Variants in ALKBH1 observed in about 807,000 individuals in gnomAD.
ALKBH1 encodes nucleic acid dioxygenase ALKBH1.
Under a neutral mutation model 36.6 loss-of-function variants are expected in ALKBH1, and 31 were observed. That is an observed-to-expected ratio of 0.85 (90% CI 0.64 to 1.14). The LOEUF is 1.14. Among genes scored for constraint, ALKBH1 ranks in the 50% most tolerant of loss-of-function variants. ALKBH1 has a pLI of 0.00. For synonymous variants in ALKBH1, 183 were observed against 186.6 expected, an observed-to-expected ratio of 0.98 and a Z score of 0.16; for missense variants, 490 against 497.3, an observed-to-expected ratio of 0.99 and a Z score of 0.14.
Position 77,706,332 on chromosome 14 carries a change from A to T in ALKBH1, c.183+1490T>A, listed in dbSNP as rs12886631. Among the ~76,000 whole-genome samples the T allele has an allele frequency of 5.3e-4, 81 of 151,938 alleles. 2 individuals are homozygous for T. The South Asian group carries it at 0.016, about 31-fold the overall frequency. On this transcript the variant is annotated intron_variant, in intron 1 of 5. Transcript: ENST00000216489. Reference sequence around the variant, plus strand: ...TTAAGCATTTTGTCATGATTTCTTTAATAGGCCATACTTAATACTGCACTA... The same window carrying T: ...TTAAGCATTTTGTCATGATTTCTTTTATAGGCCATACTTAATACTGCACTA...
Position 77,675,725 on chromosome 14 carries a change from A to AGGC in ALKBH1, c.668_670dup (p.Arg223dup). 1 of 1,614,196 alleles carries AGGC rather than the reference A, an allele frequency of 6.2e-7. No homozygotes were observed. Among genetic ancestry groups the AGGC allele is most frequent in the Non-Finnish European group, 8.5e-7 (1 of 1,180,036 alleles). Reference sequence around the variant, plus strand: ...TACGTGGATTCCCAGTGTGGAGTCCAGGCGGTAGTAATTCAGGATCCCTGC... The same window carrying AGGC: ...TACGTGGATTCCCAGTGTGGAGTCCAGGCGGCGGTAGTAATTCAGGATCCCTGC... On this transcript the variant is annotated inframe_insertion, in exon 5 of 6. Transcript: ENST00000216489.
intron 3 of ALKBH1, among the ~76,000 whole-genome samples, chr14:77,694,253 T>C (rs529207396): frequency 3.2e-4 from 49 of 152,306 alleles, no homozygotes; most frequent in African/African-American, 1.1e-3. Context: ...CATTAAGTAT[T>C]TGTGGAATGA....
rs531959453 is a variant in ALKBH1, at chr14:77,684,561, A to G, written c.456-4591T>C. On this transcript the variant is annotated intron_variant, in intron 3 of 5. Transcript: ENST00000216489. ...TTTTTAGTAGAGATGAGGTTTCACC[A>G]TGTTGGCCAGGCTGGTTTCGAATTC... is the stretch of plus-strand genomic sequence containing the variant. 3.9e-5 allele frequency among the ~76,000 whole-genome samples: 6 copies of G among 152,094 alleles called. No individual in the cohort carries two copies. The East Asian group carries it at 1.2e-3, about 29-fold the overall frequency.
Position 77,674,081 on chromosome 14 carries a change from G to A in ALKBH1, c.901C>T (p.Leu301=). The A allele has an allele frequency of 6.2e-7, 1 of 1,614,164 alleles. No homozygotes were observed. ...RVLPNPEGEG[L]PHCLEAPLPA... ...AGAGGTGCCTCTAGGCAGTGAGGCA[G>A]GCCTTCCCCTTCTGGATTTGGAAGG... Residue 301 remains leucine (L), a synonymous_variant, in exon 6 of 6, where the codon CTG becomes TTG. Transcript: ENST00000216489.
intron 3 of ALKBH1, chr14:77,683,739 T>A (rs1052094695): frequency 2.0e-5 from 4 of 201,290 alleles, no homozygotes; most frequent in Non-Finnish European, 3.0e-5. Context: ...GCCTGGCTAA[T>A]TTTTGTATTT....
At chr14:77,682,871 A>G (rs1265190272) in intron 3 of ALKBH1, among the ~76,000 whole-genome samples, 1 of 151,938 alleles carries the variant, frequency 6.6e-6, no homozygotes, top group Non-Finnish European at 1.5e-5. Flanking sequence ...TAATTTTTGT[A>G]TTTTTTGTAG....
rs181589590 is a variant in ALKBH1 at position 77,693,257 on chromosome 14, T to G, written c.455+1481A>C. ...TCATAGAGATGGGGTCTTGCTATGT[T>G]GCCCAGGCTGGTAACTCCAGGCCTC... On this transcript the variant is annotated intron_variant, in intron 3 of 5. Coordinates refer to ENST00000216489, the MANE Select transcript of ALKBH1 (RefSeq NM_006020.3). 2.7e-5 allele frequency among the ~76,000 whole-genome samples: 4 copies of G among 147,980 alleles called. No homozygotes were observed. In the East Asian group the frequency reaches 8.2e-4, roughly 31 times the overall value.
At chr14:77,680,677 C>CTT (rs1555383644) in intron 3 of ALKBH1, among the ~76,000 whole-genome samples, 10 of 124,334 alleles carry the variant, frequency 8.0e-5, no homozygotes, top group African/African-American at 3.2e-4. Context: ...ATTAACTACT[C>CTT]TTTTTTTTTT....
intron 3 of ALKBH1, among the ~76,000 whole-genome samples, chr14:77,694,427 C>T (rs1009068111): frequency 6.6e-5 from 10 of 152,084 alleles, no homozygotes; most frequent in African/African-American, 2.4e-4. Flanking sequence ...CAAAGGAACT[C>T]ACTTTAAGTA....
At chr14:77,680,457 T>C (rs1028768441) in intron 3 of ALKBH1, among the ~76,000 whole-genome samples, 6 of 152,136 alleles carry the variant, frequency 3.9e-5, no homozygotes, top group Non-Finnish European at 7.4e-5. Context: ...TAGCAAAATA[T>C]AGTGTATAGT....
chr14:77,707,932 T>C lies in ALKBH1; in HGVS notation c.73A>G (p.Lys25Glu). 6.2e-7 allele frequency: 1 copy of C among 1,613,232 alleles called. No homozygotes were observed. The highest frequency in any genetic ancestry group is 8.5e-7 in the Non-Finnish European group (1 of 1,179,958). Residue 25 changes from lysine (K) to glutamate (E), a missense_variant, in exon 1 of 6, where the codon AAA (lysine) becomes GAA (glutamate). Physicochemically the swap from Lys to Glu is moderately conservative, Grantham distance 56. Transcript: ENST00000216489. The part of the protein sequence containing the change: ...ATEPGEDAFR[K>E]LFRFYRQSRP... ...CTCTGACGGTAGAAGCGGAAAAGTT[T>C]CCGAAAGGCGTCCTCCCCGGGCTCA... is the stretch of plus-strand genomic sequence containing the variant.
chr14:77,677,035 C>T (rs2080210039), intron 4 of ALKBH1, among the ~76,000 whole-genome samples: 1 of 151,726 alleles, frequency 6.6e-6, no homozygotes, highest in Non-Finnish European at 1.5e-5. Context: ...ATATCAAAGG[C>T]CATAATACTC....
rs767654429 is a variant in ALKBH1 at position 77,707,839 on chromosome 14, C to T, written c.166G>A (p.Gly56Ser). Reference protein sequence around the residue: ...FSAAHAARGKGPGAQKVIKSQ... With the variant: ...FSAAHAARGKSPGAQKVIKSQ... ...CTCTGTACCTTTTGGGCACCAGGAC[C>T]CTTGCCACGGGCTGCGTGGGCCGCC... The change falls in exon 1 of 6, where the codon GGT becomes AGT. Residue 56 changes from glycine to serine, a missense_variant. Coordinates refer to ENST00000216489, the MANE Select transcript of ALKBH1 (RefSeq NM_006020.3). The T allele has an allele frequency of 1.9e-6, 3 of 1,610,366 alleles. No individual in the cohort carries two copies. Among genetic ancestry groups the T allele is most frequent in the Admixed American group, 3.4e-5 (2 of 59,600 alleles).
At chr14:77,705,249 C>T (rs2080381782) in intron 1 of ALKBH1, among the ~76,000 whole-genome samples, 1 of 151,982 alleles carries the variant, frequency 6.6e-6, no homozygotes, top group Admixed American at 6.6e-5. Context: ...CCCGTCTCTA[C>T]TAAAAATACA....
intron 2 of ALKBH1, among the ~76,000 whole-genome samples, chr14:77,702,061 G>T (rs1308322128): frequency 3.9e-5 from 6 of 152,202 alleles, no homozygotes. Flanking sequence ...CACTCTGGGA[G>T]GTCAAGGCAG....
At position 77,707,956 on chromosome 14, in the gene ALKBH1, C is replaced by CAGTCGCCAG; in HGVS notation, c.40_48dup (p.Leu14_Thr16dup). ...TTCCGAAAGGCGTCCTCCCCGGGCTCAGTCGCCAGAGTCGCCACAGAGCCC... is the reference window on the plus strand; with the variant it reads ...TTCCGAAAGGCGTCCTCCCCGGGCTCAGTCGCCAGAGTCGCCAGAGTCGCCACAGAGCCC... On this transcript the variant is annotated inframe_insertion, in exon 1 of 6. Coordinates refer to ENST00000216489, the MANE Select transcript of ALKBH1 (RefSeq NM_006020.3). The CAGTCGCCAG allele has an allele frequency of 6.2e-7, 1 of 1,613,306 alleles. No individual in the cohort carries two copies.
At chr14:77,696,203 A>C (rs1241510586) in intron 2 of ALKBH1, among the ~76,000 whole-genome samples, 1 of 151,892 alleles carries the variant, frequency 6.6e-6, no homozygotes, top group African/African-American at 2.4e-5. Flanking sequence ...TCTTTTTTTG[A>C]GATGGGGGTC....
chr14:77,673,895 T>G lies in ALKBH1; in HGVS notation c.1087A>C (p.Arg363=), dbSNP rs2080189763. 1 of 1,614,222 alleles carries G rather than the reference T, an allele frequency of 6.2e-7. No individual in the cohort carries two copies. The highest frequency in any genetic ancestry group is 8.5e-7 in the Non-Finnish European group (1 of 1,180,034). ...CAGAAACCTTCTGTACTGATGTCTC[T>G]TTTTTCATCCTCGATGGGTTCTAGA... ...FPLEPIEDEK[R]DISTEGFCHL... The change falls in exon 6 of 6, where the codon AGA becomes CGA. Residue 363 remains arginine, a synonymous_variant. Transcript: ENST00000216489.
At chr14:77,699,379 G>T (rs1053419841) in intron 2 of ALKBH1, among the ~76,000 whole-genome samples, 3 of 152,076 alleles carry the variant, frequency 2.0e-5, no homozygotes, top group Non-Finnish European at 4.4e-5. Context: ...TAAATTAATG[G>T]AATAATGATA....
Sources: gnomAD v4.1 joint callset for allele counts (sites outside exome capture counted in the v4.1 genomes callset) on GRCh38, gnomAD v4.1.1 for gene constraint, MANE v1.5 for transcripts, NCBI Gene and HGNC (gene_info 2026-07-23, HGNC 2026-07-21) for gene names.